Variants in PARVG observed in about 807,000 individuals in gnomAD.
PARVG encodes parvin gamma.
In PARVG, 36 loss-of-function variants were observed where a neutral mutation model predicts 44.4. That is an observed-to-expected ratio of 0.81 (90% confidence interval 0.62 to 1.07). The LOEUF (loss-of-function observed/expected upper bound fraction) is 1.07. PARVG is among the 50% of genes least tolerant of loss of function. The pLI is 0.00. For missense variants in PARVG, 407 were observed against 407.4 expected (o/e 1.00, Z 0.01); for synonymous variants, 170 against 174.1 (o/e 0.98, Z 0.19).
chr22:44,176,316 A>G (rs1461915660), upstream of PARVG, among the ~76,000 whole-genome samples: 1 of 152,246 alleles, frequency 6.6e-6, no homozygotes, highest in Admixed American at 6.5e-5. Context: ...ACCTAATACA[A>G]TGTAAATGCT....
chr22:44,184,104 C>T (rs1193296125), intron 3 of PARVG: 2 of 153,922 alleles, frequency 1.3e-5, no homozygotes, highest in Admixed American at 1.3e-4. Flanking sequence ...AGGACATGGG[C>T]AGGTACCCAG....
chr22:44,187,889 G>A lies in PARVG; in HGVS notation c.247+11G>A, dbSNP rs767146647. 9 of 1,613,930 alleles carry A rather than the reference G, an allele frequency of 5.6e-6. No homozygotes were observed. Among genetic ancestry groups the A allele is most frequent in the Middle Eastern group, 1.6e-4 (1 of 6,062 alleles). ...TACACCACCTATTCCGTAAGTGGCTGTTTCTGGGGCTGCCTGGGCCTCGGC... is the reference window on the plus strand; with the variant it reads ...TACACCACCTATTCCGTAAGTGGCTATTTCTGGGGCTGCCTGGGCCTCGGC... On this transcript the variant is annotated intron_variant, in intron 5 of 13. Transcript: ENST00000444313.
chr22:44,208,342 G>A lies in PARVG; in HGVS notation c.*1916G>A, dbSNP rs2054805112. The A allele has an allele frequency of 6.6e-6, 1 of 152,234 alleles. No individual in the cohort carries two copies. Among genetic ancestry groups the A allele is most frequent in the Non-Finnish European group, 1.5e-5 (1 of 68,050 alleles). 9.4% of individuals were successfully genotyped at this position (152,234 alleles called of 1,614,324 possible). A position where few individuals can be genotyped will look rare whatever the true frequency, so the allele number is the denominator to read the frequency against. ...AGACATGGGACATTCCCATCACCAT[G>A]CAAGTTTCTGCATCTGTCTGCAGCC... On this transcript the variant is annotated 3_prime_UTR_variant, in exon 14 of 14. Transcript: ENST00000444313.
chr22:44,181,605 A>T (rs1377933626), intron 1 of PARVG, 137 bp from the exon 2 acceptor site: 3 of 663,240 alleles, frequency 4.5e-6, no homozygotes, highest in Non-Finnish European at 5.6e-6. Flanking sequence ...GAGAAATGAA[A>T]GCATTGAGTT....
Position 44,198,611 on chromosome 22 carries a change from T to C in PARVG, c.712-10T>C. The C allele has an allele frequency of 6.2e-7, 1 of 1,602,234 alleles. No individual in the cohort carries two copies. Among genetic ancestry groups the C allele is most frequent in the Non-Finnish European group, 8.6e-7 (1 of 1,169,212 alleles). ...TTCCATGTGATTGTCTCCAGTTCCT[T>C]CCTTTGTAGTTTGCAGATGGGGTCA... On this transcript the variant is annotated splice_polypyrimidine_tract_variant and intron_variant, in intron 11 of 13. Transcript: ENST00000444313.
intron 9 of PARVG, among the ~76,000 whole-genome samples, chr22:44,195,897 T>C (rs1344335300): frequency 6.6e-6 from 1 of 152,152 alleles, no homozygotes; most frequent in African/African-American, 2.4e-5. Context: ...GGGCCATGTG[T>C]GTTATCTGCT....
upstream of PARVG, among the ~76,000 whole-genome samples, chr22:44,177,824 C>T (rs536874383): frequency 1.3e-5 from 2 of 152,242 alleles, no homozygotes; most frequent in Admixed American, 1.3e-4. Flanking sequence ...CGTGATCACA[C>T]CACTGCACTC....
rs185504608 is a variant in PARVG, at chr22:44,181,278, G to A, written c.-189+93G>A. 1.4e-5 allele frequency: 13 copies of A among 944,326 alleles called. No individual in the cohort carries two copies. In the African/African-American group the frequency reaches 2.3e-4, roughly 17 times the overall value. The allele number at this position is 944,326 out of a possible 1,614,324, so 58.5% of individuals were successfully genotyped here. On this transcript the variant is annotated intron_variant, in intron 1 of 13. Coordinates refer to ENST00000444313, the MANE Select transcript of PARVG (RefSeq NM_022141.7). ...GCCGTTGGTGGGTTTGAGTGAGTGGGGTCAGGAAGTGACTCACTCCTCCGA... is the reference window on the plus strand; with the variant it reads ...GCCGTTGGTGGGTTTGAGTGAGTGGAGTCAGGAAGTGACTCACTCCTCCGA...
At chr22:44,196,627 A>G (rs1423984616) in intron 11 of PARVG, among the ~76,000 whole-genome samples, 1 of 152,028 alleles carries the variant, frequency 6.6e-6, no homozygotes, top group African/African-American at 2.4e-5. Flanking sequence ...GTGTGGGAAC[A>G]CTTCACAAAG....
chr22:44,176,504 C>G (rs2054320098), upstream of PARVG, among the ~76,000 whole-genome samples: 1 of 151,882 alleles, frequency 6.6e-6, no homozygotes, highest in South Asian at 2.1e-4. Flanking sequence ...GGGGACATGT[C>G]AAAAGGACAG....
rs751713062 is a variant in PARVG, at chr22:44,190,624, C to T, written c.462C>T (p.Leu154=). The change falls in exon 7 of 14, where the codon CTC becomes CTT. Residue 154 remains leucine, a synonymous_variant. Transcript: ENST00000444313. The part of the protein sequence containing the change: ...VALAKRFQPD[L]SLPTNVQVEV... The stretch of plus-strand genomic sequence containing the variant: ...TGGCCAAGCGCTTCCAGCCCGACCT[C>T]TCCCTCCCAACCAACGTCCAGGTGG... The T allele has an allele frequency of 1.2e-6, 2 of 1,614,186 alleles. No individual in the cohort carries two copies. The highest frequency in any genetic ancestry group is 3.3e-5 in the Admixed American group (2 of 60,034).
intron 13 of PARVG, among the ~76,000 whole-genome samples, chr22:44,206,087 C>T (rs2054776968): frequency 2.0e-5 from 3 of 152,092 alleles, no homozygotes; most frequent in African/African-American, 7.2e-5. Flanking sequence ...TGAGGAGTTG[C>T]TGTGTTGGGG....
intron 12 of PARVG, among the ~76,000 whole-genome samples, chr22:44,204,857 A>G (rs929657453): frequency 2.6e-5 from 4 of 152,188 alleles, no homozygotes; most frequent in Admixed American, 2.0e-4. Flanking sequence ...CTGCTGCCCT[A>G]AGGCAAAGGG....
chr22:44,181,508 C>T, intron 1 of PARVG: 1 of 693,928 alleles, frequency 1.4e-6, no homozygotes, highest in Non-Finnish European at 1.8e-6. Context: ...GGGGGTCGAC[C>T]CCAGGCTCTG....
intron 12 of PARVG, among the ~76,000 whole-genome samples, chr22:44,202,277 C>T (rs1448971323): frequency 6.6e-6 from 1 of 152,182 alleles, no homozygotes; most frequent in Non-Finnish European, 1.5e-5. Context: ...AGACTGGGGT[C>T]AGAGCCTGCC....
chr22:44,188,096 G>T lies in PARVG; in HGVS notation c.247+218G>T, dbSNP rs1489763557. ...GAGCTGGGGCTCAGGGTGGGGCTCT[G>T]ACGCCAGGGTTGGTGCTCTTTCTAC... is the stretch of plus-strand genomic sequence containing the variant. On this transcript the variant is annotated intron_variant, in intron 5 of 13. Coordinates refer to ENST00000444313, the MANE Select transcript of PARVG (RefSeq NM_022141.7). 5 of 592,770 alleles carry T rather than the reference G, an allele frequency of 8.4e-6. No homozygotes were observed. In the East Asian group the frequency reaches 1.4e-4, roughly 17 times the overall value. 36.7% of individuals were successfully genotyped at this position (592,770 alleles called of 1,614,324 possible).
chr22:44,192,672 AC>A (rs2054565786), intron 8 of PARVG, among the ~76,000 whole-genome samples: 1 of 138,078 alleles, frequency 7.2e-6, no homozygotes, highest in African/African-American at 2.8e-5. Flanking sequence ...CTCCCCACCT[AC>A]TGGGGTTGAC....
intron 9 of PARVG, 93 bp from the exon 10 acceptor site, chr22:44,196,062 T>A: frequency 7.1e-7 from 1 of 1,399,056 alleles, no homozygotes; most frequent in Non-Finnish European, 1.0e-6. Context: ...CTGGACTGGT[T>A]ATTCTAAGAA....
intron 12 of PARVG, among the ~76,000 whole-genome samples, chr22:44,201,864 G>T (rs2054714506): frequency 6.6e-6 from 1 of 152,220 alleles, no homozygotes; most frequent in Non-Finnish European, 1.5e-5. Context: ...GCTGGCCCGG[G>T]CACGCTTTCC....
Sources: allele counts gnomAD v4.1 joint callset (sites outside exome capture counted in the v4.1 genomes callset), GRCh38; gene constraint gnomAD v4.1.1; transcripts MANE v1.5; gene names NCBI Gene and HGNC (gene_info 2026-07-23, HGNC 2026-07-21).